Variants in CHN2 observed in about 807,000 individuals in gnomAD.
CHN2 encodes the protein beta-chimaerin.
A neutral mutation model predicts 56.3 loss-of-function variants in CHN2; 35 were observed. That is an observed-to-expected ratio of 0.62 (90% confidence interval 0.47 to 0.82). CHN2 has a LOEUF of 0.82. CHN2 is among the 40% of genes least tolerant of loss of function. CHN2 has a pLI of 0.00. For missense variants in CHN2, 491 were observed against 580.5 expected (o/e 0.85, Z 1.58); for synonymous variants, 210 against 212.8 (o/e 0.99, Z 0.12).
upstream of CHN2, chr7:29,193,703 T>G (rs1437564495): frequency 1.3e-5 from 2 of 152,188 alleles, no homozygotes; most frequent in African/African-American, 4.8e-5. Context: ...TGCTCGAGTC[T>G]CTTTCTCTCA....
intron 7 of CHN2, among the ~76,000 whole-genome samples, chr7:29,489,473 C>T (rs1788409925): frequency 6.6e-6 from 1 of 152,162 alleles, no homozygotes; most frequent in Admixed American, 6.5e-5. Context: ...AAAGAGTAGA[C>T]ATAATAAGTA....
At chr7:29,225,430 C>A (rs1430974475) in intron 1 of CHN2, among the ~76,000 whole-genome samples, 1 of 152,046 alleles carries the variant, frequency 6.6e-6, no homozygotes, top group Non-Finnish European at 1.5e-5. Context: ...GATGAAGTTC[C>A]CAGATCAGCC....
chr7:29,343,773 T>C (rs1797224479), intron 1 of CHN2, among the ~76,000 whole-genome samples: 1 of 151,936 alleles, frequency 6.6e-6, no homozygotes, highest in Non-Finnish European at 1.5e-5. Context: ...CACTCTCATG[T>C]TCCCCCTGTG....
chr7:29,297,672 T>C (rs1394060239), intron 1 of CHN2, among the ~76,000 whole-genome samples: 1 of 151,988 alleles, frequency 6.6e-6, no homozygotes, highest in Non-Finnish European at 1.5e-5. Flanking sequence ...ACAAAAACGT[T>C]ACCCTTTTGC....
In CHN2 at chr7:29,507,468, GT is replaced by G. The variant is rs1379142177; in HGVS notation, c.1129+104del. The G allele has an allele frequency of 1.6e-5, 14 of 884,846 alleles. No homozygotes were observed. The African/African-American group carries it at 2.2e-4, about 14-fold the overall frequency. 54.8% of individuals were successfully genotyped at this position (884,846 alleles called of 1,614,324 possible). A position where few individuals can be genotyped will look rare whatever the true frequency, so the allele number is the denominator to read the frequency against. The stretch of plus-strand genomic sequence containing the variant: ...CAGAACTGTTTAAATTATTGCATTT[GT>G]GCCTGTCTTGTCAAGTGAGGGCACA... On this transcript the variant is annotated intron_variant, in intron 11 of 12. Coordinates refer to ENST00000222792, the MANE Select transcript of CHN2 (RefSeq NM_004067.4).
At chr7:29,512,367 G>A (rs191810557) in intron 12 of CHN2, among the ~76,000 whole-genome samples, 197 bp from the exon 13 acceptor site, 18 of 152,246 alleles carry the variant, frequency 1.2e-4, no homozygotes, top group East Asian at 5.8e-4. Flanking sequence ...TTCCACCGGC[G>A]AAGGCAATGT....
At chr7:29,193,556 A>C (rs1364884901), upstream of CHN2, 1 of 152,146 alleles carries the variant, frequency 6.6e-6, no homozygotes, top group Non-Finnish European at 1.5e-5. Flanking sequence ...CAAATTTCAC[A>C]GTTTTCTGTT....
intron 3 of CHN2, among the ~76,000 whole-genome samples, chr7:29,377,447 T>A (rs539504087): frequency 6.6e-6 from 1 of 152,372 alleles, no homozygotes; most frequent in East Asian, 1.9e-4. Context: ...GAATCCTTGC[T>A]AGATTTCCTT....
intron 7 of CHN2, among the ~76,000 whole-genome samples, chr7:29,485,628 G>T (rs1787881432): frequency 6.6e-6 from 1 of 152,200 alleles, no homozygotes; most frequent in African/African-American, 2.4e-5. Context: ...AGAGCACCCG[G>T]GCTATGCAAA....
intron 1 of CHN2, among the ~76,000 whole-genome samples, chr7:29,324,861 GC>G (rs935177194): frequency 2.0e-5 from 3 of 152,136 alleles, no homozygotes; most frequent in African/African-American, 4.8e-5. Flanking sequence ...AATGCTCCCT[GC>G]TTTTGATTAA....
chr7:29,266,539 C>T (rs975196663), intron 1 of CHN2, among the ~76,000 whole-genome samples: 3 of 152,102 alleles, frequency 2.0e-5, no homozygotes, highest in Admixed American at 6.6e-5. Flanking sequence ...ATTTATTGAT[C>T]GTTTATGAGC....
rs1457041938 is a variant in CHN2 at position 29,267,947 on chromosome 7, G to A, written c.49+72957G>A. Among the ~76,000 whole-genome samples, 5 of 152,176 alleles carry A rather than the reference G, an allele frequency of 3.3e-5. 1 individual carries two copies. The highest frequency in any genetic ancestry group is 3.3e-4 in the Admixed American group (5 of 15,278). ...ATACTAAAGTCCCCAGTTAGGCAGA[G>A]TAAACAGGAAGCAGCCTGTTATTGA... On this transcript the variant is annotated intron_variant, in intron 1 of 12. Coordinates refer to ENST00000222792, the MANE Select transcript of CHN2 (RefSeq NM_004067.4).
intron 1 of CHN2, among the ~76,000 whole-genome samples, chr7:29,211,110 G>A (rs1363716175): frequency 1.3e-5 from 2 of 151,560 alleles, no homozygotes; most frequent in Non-Finnish European, 2.9e-5. Flanking sequence ...TCGCTCTATC[G>A]CCCAGGCTGG....
At chr7:29,339,680 C>T (rs191249828) in intron 1 of CHN2, among the ~76,000 whole-genome samples, 36 of 152,106 alleles carry the variant, frequency 2.4e-4, no homozygotes, top group African/African-American at 8.0e-4. Flanking sequence ...TGGTGAAACC[C>T]TGTCTCTACT....
chr7:29,335,066 G>C (rs934920222), intron 1 of CHN2, among the ~76,000 whole-genome samples: 1 of 152,134 alleles, frequency 6.6e-6, no homozygotes, highest in African/African-American at 2.4e-5. Flanking sequence ...GACATAAAAG[G>C]CATCTAAAAA....
chr7:29,287,354 G>A (rs9692317), intron 1 of CHN2, among the ~76,000 whole-genome samples: 1,586 of 152,250 alleles, frequency 0.01, 18 homozygotes, highest in African/African-American at 0.035. Context: ...AACTCTGGGG[G>A]CATGAGGGGG....
At chr7:29,338,492 T>C (rs1170083238) in intron 1 of CHN2, among the ~76,000 whole-genome samples, 1 of 152,252 alleles carries the variant, frequency 6.6e-6, no homozygotes, top group Non-Finnish European at 1.5e-5. Flanking sequence ...TGATTATTTA[T>C]GTGATTCTGG....
Position 29,227,901 on chromosome 7 carries a change from A to G in CHN2, c.49+32911A>G, listed in dbSNP as rs141069438. Among the ~76,000 whole-genome samples the G allele has an allele frequency of 1.5e-3, 233 of 152,200 alleles. 1 individual carries two copies. The highest frequency in any genetic ancestry group is 5.2e-3 in the African/African-American group (218 of 41,530). On this transcript the variant is annotated intron_variant, in intron 1 of 12. Coordinates refer to ENST00000222792, the MANE Select transcript of CHN2 (RefSeq NM_004067.4). ...AAGTTCAAAAGAATTTCACTCTTTC[A>G]TTGTTTTAGCCTGGGTTTCCCATTA...
intron 6 of CHN2, among the ~76,000 whole-genome samples, chr7:29,476,692 C>A (rs1189842344): frequency 6.6e-6 from 1 of 152,038 alleles, no homozygotes; most frequent in Non-Finnish European, 1.5e-5. Flanking sequence ...AGCGTTGCTT[C>A]CCAGGGAATA....
Sources: allele counts gnomAD v4.1 joint callset (sites outside exome capture counted in the v4.1 genomes callset), GRCh38; gene constraint gnomAD v4.1.1; transcripts MANE v1.5; gene names NCBI Gene and HGNC (gene_info 2026-07-23, HGNC 2026-07-21).